VCAN: variants seen among roughly 807,000 people sequenced by gnomAD.
VCAN encodes the protein versican.
VCAN carries 44 observed loss-of-function variants against 245.5 expected under a neutral mutation model. The ratio of observed to expected loss-of-function variants is 0.18; its 90% CI spans 0.14 to 0.23. VCAN has a LOEUF of 0.23. Among genes scored for constraint, VCAN ranks in the 10% least tolerant of loss-of-function variants. The pLI, the probability that VCAN is intolerant of heterozygous loss-of-function variation, is 1.00. For missense variants in VCAN, 3,793 were observed against 4,057.9 expected (o/e 0.93, Z 1.77); for synonymous variants, 1,413 against 1,437.0 (o/e 0.98, Z 0.38).
chr5:83,509,648 C>T (rs950267434), intron 5 of VCAN, among the ~76,000 whole-genome samples: 1 of 152,212 alleles, frequency 6.6e-6, no homozygotes, highest in Non-Finnish European at 1.5e-5. Flanking sequence ...GAAACTAAGG[C>T]AACACAACTA....
intron 1 of VCAN, among the ~76,000 whole-genome samples, chr5:83,482,711 A>C (rs1744653456): frequency 6.6e-6 from 1 of 152,202 alleles, no homozygotes; most frequent in Non-Finnish European, 1.5e-5. Flanking sequence ...CTGGAAGGGA[A>C]CATTCTGAGA....
chr5:83,555,105 G>T, intron 12 of VCAN, 67 bp downstream of exon 12: 11 of 1,518,812 alleles, frequency 7.2e-6, no homozygotes, highest in Non-Finnish European at 1.0e-5. Flanking sequence ...CACTGATTGT[G>T]CATTACAGAG....
intron 5 of VCAN, among the ~76,000 whole-genome samples, chr5:83,505,465 T>TGA: frequency 6.6e-6 from 1 of 152,136 alleles, no homozygotes; most frequent in Admixed American, 6.5e-5. Context: ...CAAAATGATC[T>TGA]CCTTTGACTG....
At chr5:83,545,697 A>G (rs1223439470) in intron 9 of VCAN, 47 bp downstream of exon 9, 2 of 1,359,462 alleles carry the variant, frequency 1.5e-6, no homozygotes, top group Admixed American at 3.4e-5. Flanking sequence ...CACAGAAGAT[A>G]TATTGGGGGA....
chr5:83,531,243 A>G (rs1192204174), intron 7 of VCAN: 1 of 152,204 alleles, frequency 6.6e-6, no homozygotes, highest in East Asian at 1.9e-4. Flanking sequence ...TCACTGTGGT[A>G]TACCCAAACT....
chr5:83,556,374 A>G (rs902818265), intron 12 of VCAN, among the ~76,000 whole-genome samples: 4 of 152,184 alleles, frequency 2.6e-5, no homozygotes, highest in Middle Eastern at 3.4e-3. Context: ...CCCTTGTTAC[A>G]TTTTCGCTTT....
At chr5:83,553,634 C>A in intron 11 of VCAN, 112 bp downstream of exon 11, 1 of 1,377,028 alleles carries the variant, frequency 7.3e-7, no homozygotes, top group Non-Finnish European at 1.0e-6. Flanking sequence ...TACAACTTAT[C>A]AAATCCCTCA....
intron 11 of VCAN, among the ~76,000 whole-genome samples, chr5:83,553,970 T>C (rs947026002): frequency 7.9e-5 from 12 of 152,236 alleles, no homozygotes; most frequent in African/African-American, 2.9e-4. Context: ...ACCCTAATCT[T>C]ACCTTTTGGG....
rs1343242201 is a variant in VCAN at position 83,539,998 on chromosome 5, T to C, written c.6995T>C (p.Leu2332Ser). ...EGSGSVTSTT[L>S]IEILSDTGAE... ...AGTGGGTCAGTAACCAGCACAACAT[T>C]AATAGAAATTTTAAGTGACACTGGA... Residue 2332 changes from leucine to serine, a missense_variant, in exon 8 of 15, where the codon TTA (leucine) becomes TCA (serine). Leu to Ser is a moderately radical substitution (Grantham distance 145). Around this residue, in one of 5 missense-constraint regions of VCAN, gnomAD observed 3,182 missense variants for 3,250.3 expected, o/e 0.98. Transcript: ENST00000265077. The C allele has an allele frequency of 6.2e-7, 1 of 1,613,976 alleles. No homozygotes were observed. The highest frequency in any genetic ancestry group is 1.1e-5 in the South Asian group (1 of 91,076).
chr5:83,549,097 G>A (rs1266439161), intron 10 of VCAN, among the ~76,000 whole-genome samples: 1 of 152,132 alleles, frequency 6.6e-6, no homozygotes, highest in Non-Finnish European at 1.5e-5. Context: ...AAAAACATTA[G>A]AAAGATGGCA....
chr5:83,472,387 A>AT (rs1394936872), intron 1 of VCAN, among the ~76,000 whole-genome samples: 12 of 152,024 alleles, frequency 7.9e-5, no homozygotes, highest in Admixed American at 2.0e-4. Flanking sequence ...TGGCACTTTG[A>AT]TTTTTTTGTT....
intron 13 of VCAN, among the ~76,000 whole-genome samples, chr5:83,576,263 A>G (rs1417578873): frequency 1.3e-5 from 2 of 152,070 alleles, no homozygotes; most frequent in Non-Finnish European, 2.9e-5. Flanking sequence ...TTGTTTCACT[A>G]AACAATAAAT....
At chr5:83,494,695 G>A (rs983837880) in intron 5 of VCAN, among the ~76,000 whole-genome samples, 4 of 152,256 alleles carry the variant, frequency 2.6e-5, no homozygotes, top group Non-Finnish European at 5.9e-5. Context: ...GCTCACGCCT[G>A]TAGTCCCAGC....
intron 1 of VCAN, among the ~76,000 whole-genome samples, chr5:83,475,611 CA>C (rs1744361296): frequency 6.6e-6 from 1 of 152,220 alleles, no homozygotes; most frequent in African/African-American, 2.4e-5. Context: ...AGCAGTACAT[CA>C]GGGAGAAGGT....
chr5:83,580,171 T>G lies in VCAN; in HGVS notation c.10063+9T>G. 2 of 1,614,034 alleles carry G rather than the reference T, an allele frequency of 1.2e-6. No homozygotes were observed. Among genetic ancestry groups the G allele is most frequent in the Non-Finnish European group, 1.7e-6 (2 of 1,179,984 alleles). ...AATTACCTGCATGAACCGTAAGTGG[T>G]CCTTTAGAAAGAATGGACTACCGTG... On this transcript the variant is annotated intron_variant, in intron 14 of 14. Coordinates refer to ENST00000265077, the MANE Select transcript of VCAN (RefSeq NM_004385.5).
intron 7 of VCAN, among the ~76,000 whole-genome samples, chr5:83,524,536 GTACC>G (rs58462835): frequency 0.37 from 54,383 of 147,088 alleles, 10,435 homozygotes; most frequent in Non-Finnish European, 0.41. Flanking sequence ...ACCTACCTGC[GTACC>G]TACCTACCTA....
chr5:83,528,438 G>A (rs1746384053), intron 7 of VCAN, among the ~76,000 whole-genome samples: 1 of 151,996 alleles, frequency 6.6e-6, no homozygotes, highest in African/African-American at 2.4e-5. Context: ...AGGAGGCCAT[G>A]TCATCCCAGT....
rs1746052387 is a variant in VCAN at position 83,520,704 on chromosome 5, G to A, written c.2398G>A (p.Val800Ile). The change falls in exon 7 of 15, where the codon GTA becomes ATA. Residue 800 changes from valine to isoleucine, a missense_variant. This residue lies in a region of VCAN where 3,182 missense variants were observed against 3,250.3 expected (regional missense o/e 0.98). Transcript: ENST00000265077. ...TACTTTAAGTGTTGAAGCAGCCACT[G>A]TATCAAAATGGTCATGGGATGAAGA... ...HGTLSVEAAT[V>I]SKWSWDEDNT... 1.2e-6 allele frequency: 2 copies of A among 1,614,098 alleles called. No homozygotes were observed. The highest frequency in any genetic ancestry group is 1.1e-5 in the South Asian group (1 of 91,080).
rs1746854455 is a variant in VCAN at position 83,539,141 on chromosome 5, A to G, written c.6138A>G (p.Gly2046=). The change falls in exon 8 of 15, where the codon GGA becomes GGG. Residue 2046 remains glycine (G), a synonymous_variant. Transcript: ENST00000265077. ...TASSIIDEGL[G]EVGTVNEIDR... ...CCTCCATTATCGACGAAGGATTGGG[A>G]GAAGTGGGTACTGTCAATGAAATTG... 6.2e-7 allele frequency: 1 copy of G among 1,614,024 alleles called. No homozygotes were observed. The highest frequency in any genetic ancestry group is 1.1e-5 in the South Asian group (1 of 91,086).
Sources: allele counts gnomAD v4.1 joint callset (sites outside exome capture counted in the v4.1 genomes callset), GRCh38; gene constraint gnomAD v4.1.1; regional missense constraint gnomAD v4.1.1; transcripts MANE v1.5; gene names NCBI Gene and HGNC (gene_info 2026-07-23, HGNC 2026-07-21).